GUCY1A1: variants seen among roughly 807,000 people sequenced by gnomAD.
GUCY1A1 encodes guanylate cyclase 1 soluble subunit alpha 1, also known as guanylate cyclase soluble subunit alpha-1.
GUCY1A1 carries 48 observed loss-of-function variants against 64.5 expected under a neutral mutation model. That is an observed-to-expected ratio of 0.74 (90% CI 0.59 to 0.95). The LOEUF (loss-of-function observed/expected upper bound fraction) is 0.95, where lower values mean the gene tolerates loss of function less well. GUCY1A1 is among the 40% of genes least tolerant of loss of function. The pLI is 0.00. For synonymous variants in GUCY1A1, 308 were observed against 303.4 expected (o/e 1.02, Z -0.16); for missense variants, 804 against 825.3 (o/e 0.97, Z 0.32).
intron 6 of GUCY1A1, 59 bp from the exon 7 acceptor site, chr4:155,713,039 G>T: frequency 1.4e-6 from 2 of 1,458,038 alleles, no homozygotes; most frequent in African/African-American, 1.4e-5. Context: ...CCCTTCTTTT[G>T]TCTCAGAAAG....
At chr4:155,684,347 A>G (rs1224642316) in intron 2 of GUCY1A1, among the ~76,000 whole-genome samples, 1 of 149,770 alleles carries the variant, frequency 6.7e-6, no homozygotes, top group Non-Finnish European at 1.5e-5. Context: ...TAAACTAATC[A>G]TTATGTAAAA....
At chr4:155,719,993 G>A (rs1284942941) in intron 8 of GUCY1A1, among the ~76,000 whole-genome samples, 11 of 152,096 alleles carry the variant, frequency 7.2e-5, no homozygotes, top group African/African-American at 2.2e-4. Flanking sequence ...TCTTAAACAC[G>A]TTGTGTTTTA....
intron 3 of GUCY1A1, among the ~76,000 whole-genome samples, chr4:155,701,783 C>A (rs13101302): frequency 0.044 from 5,843 of 132,234 alleles, 147 homozygotes; most frequent in Middle Eastern, 0.11. Context: ...GCCTGGATGA[C>A]AGAGCAAAAC....
intron 2 of GUCY1A1, among the ~76,000 whole-genome samples, chr4:155,692,606 A>T (rs76015460): frequency 6.6e-6 from 1 of 152,270 alleles, no homozygotes; most frequent in East Asian, 1.9e-4. Context: ...CCTTCTTTTG[A>T]AAAGTGTCTT....
chr4:155,677,704 TA>T (rs1331675844), intron 2 of GUCY1A1, among the ~76,000 whole-genome samples: 1 of 151,940 alleles, frequency 6.6e-6, no homozygotes, highest in Non-Finnish European at 1.5e-5. Flanking sequence ...ATACAAAAAT[TA>T]GCCGGGCATG....
At chr4:155,672,248 C>G (rs772820300) in intron 2 of GUCY1A1, among the ~76,000 whole-genome samples, 1 of 152,058 alleles carries the variant, frequency 6.6e-6, no homozygotes, top group African/African-American at 2.4e-5. Context: ...CCATTTTCAC[C>G]AATTTAGAGG....
intron 9 of GUCY1A1, among the ~76,000 whole-genome samples, chr4:155,725,793 A>G (rs1014258911): frequency 6.6e-6 from 1 of 152,044 alleles, no homozygotes; most frequent in African/African-American, 2.4e-5. Flanking sequence ...CAACAGGACA[A>G]TGCTCATGAC....
rs527538597 is a variant in GUCY1A1, at chr4:155,736,694, G to A, written c.*6463G>A. The A allele has an allele frequency of 1.3e-5, 2 of 152,008 alleles. No homozygotes were observed. Among genetic ancestry groups the A allele is most frequent in the African/African-American group, 4.8e-5 (2 of 41,504 alleles). The allele number at this position is 152,008 out of a possible 1,614,324, so 9.4% of individuals were successfully genotyped here. Reference sequence around the variant, plus strand: ...TTCATGGGGTTTCACATACAGACAAGTAGTTTTCTTTTCAGCAAATATTTA... The same window carrying A: ...TTCATGGGGTTTCACATACAGACAAATAGTTTTCTTTTCAGCAAATATTTA... On this transcript the variant is annotated 3_prime_UTR_variant, in exon 10 of 10. Transcript: ENST00000506455.
At chr4:155,713,718 G>A (rs1201631530) in intron 7 of GUCY1A1, 135 bp downstream of exon 7, 1 of 839,900 alleles carries the variant, frequency 1.2e-6, no homozygotes, top group South Asian at 1.8e-5. Context: ...CTGGGAGCAG[G>A]TATGGTGCAT....
At chr4:155,693,880 C>T (rs141204156) in intron 2 of GUCY1A1, among the ~76,000 whole-genome samples, 29 of 152,150 alleles carry the variant, frequency 1.9e-4, no homozygotes, top group Non-Finnish European at 2.8e-4. Context: ...TGGGTACCAG[C>T]GTTGAAATCC....
intron 7 of GUCY1A1, among the ~76,000 whole-genome samples, chr4:155,716,462 GACA>G (rs1733245123): frequency 6.6e-6 from 1 of 152,084 alleles, no homozygotes; most frequent in Admixed American, 6.6e-5. Context: ...TGCCTGTAAC[GACA>G]ACAATAATGA....
intron 9 of GUCY1A1, among the ~76,000 whole-genome samples, chr4:155,725,225 C>T (rs1348164303): frequency 5.9e-5 from 9 of 152,010 alleles, no homozygotes; most frequent in Admixed American, 2.6e-4. Flanking sequence ...CCTAGATCAG[C>T]GCGTGAAACA....
chr4:155,686,405 C>T (rs373001697), intron 2 of GUCY1A1, among the ~76,000 whole-genome samples: 38 of 152,288 alleles, frequency 2.5e-4, no homozygotes, highest in African/African-American at 8.9e-4. Context: ...GACTTGAACC[C>T]GGGAGGCAGA....
chr4:155,721,887 G>A, intron 8 of GUCY1A1, 151 bp from the exon 9 acceptor site: 1 of 663,818 alleles, frequency 1.5e-6, no homozygotes, highest in East Asian at 2.5e-5. Context: ...TTGCATGTGA[G>A]GAGTAGAGGG....
At chr4:155,682,914 G>T (rs1198896711) in intron 2 of GUCY1A1, among the ~76,000 whole-genome samples, 1 of 151,970 alleles carries the variant, frequency 6.6e-6, no homozygotes, top group Non-Finnish European at 1.5e-5. Flanking sequence ...TGTATTTTAT[G>T]TTTTTTCTGG....
chr4:155,674,377 G>C (rs565241561), intron 2 of GUCY1A1, among the ~76,000 whole-genome samples: 9 of 150,072 alleles, frequency 6.0e-5, no homozygotes, highest in Admixed American at 2.6e-4. Context: ...AAGAAAGAAA[G>C]AAACAAAGAA....
At chr4:155,726,630 C>T (rs564378936) in intron 9 of GUCY1A1, among the ~76,000 whole-genome samples, 16 of 151,698 alleles carry the variant, frequency 1.1e-4, no homozygotes, top group Non-Finnish European at 2.1e-4. Context: ...GAATACATAC[C>T]TATACCAAAA....
chr4:155,720,090 G>A (rs543892469), intron 8 of GUCY1A1, among the ~76,000 whole-genome samples: 2 of 152,258 alleles, frequency 1.3e-5, no homozygotes, highest in East Asian at 1.9e-4. Flanking sequence ...AGGCAGCACG[G>A]CATGGAAGGA....
Position 155,730,516 on chromosome 4 carries a change from A to T in GUCY1A1, c.*285A>T, listed in dbSNP as rs143280789. Reference sequence around the variant, plus strand: ...GTACTCAAAATTCAGCACCTTGTACATATATCAGATAATTGTAGTCAATTG... The same window carrying T: ...GTACTCAAAATTCAGCACCTTGTACTTATATCAGATAATTGTAGTCAATTG... On this transcript the variant is annotated 3_prime_UTR_variant, in exon 10 of 10. Coordinates refer to ENST00000506455, the MANE Select transcript of GUCY1A1 (RefSeq NM_001130682.3). 4.3e-3 allele frequency: 992 copies of T among 233,296 alleles called. 5 individuals are homozygous for T. The highest frequency in any genetic ancestry group is 0.013 in the Middle Eastern group (9 of 704). 14.5% of individuals were successfully genotyped at this position (233,296 alleles called of 1,614,324 possible).
Sources: allele counts gnomAD v4.1 joint callset (sites outside exome capture counted in the v4.1 genomes callset), GRCh38; gene constraint gnomAD v4.1.1; transcripts MANE v1.5; gene names NCBI Gene and HGNC (gene_info 2026-07-23, HGNC 2026-07-21).